The following BMX variants were observed in gnomAD, a reference collection of about 807,000 sequenced individuals.
BMX encodes the protein BMX non-receptor tyrosine kinase.
In BMX, 31 loss-of-function variants were observed where a neutral mutation model predicts 59.2. The ratio of observed to expected loss-of-function variants is 0.52; its 90% confidence interval spans 0.39 to 0.71. The LOEUF is 0.71. BMX is among the 30% of genes least tolerant of loss of function. The probability of loss-of-function intolerance (pLI) is 0.00; values close to 1 mark genes in which losing one functional copy is unlikely to be tolerated. For missense variants in BMX, 474 were observed against 491.7 expected (o/e 0.96, Z 0.34); for synonymous variants, 185 against 181.0 (o/e 1.02, Z -0.18).
chrX:15,525,458 C>T (rs747646433), intron 8 of BMX, 93 bp downstream of exon 8: 2 of 898,488 alleles, frequency 2.2e-6, no homozygotes, highest in South Asian at 4.5e-5. Flanking sequence ...GCTAGGCTTT[C>T]TACTTAAGGT....
At chrX:15,550,665 T>TACAC (rs58905214) in intron 18 of BMX, among the ~76,000 whole-genome samples, 925 of 86,759 alleles carry the variant, frequency 0.011, 7 homozygotes, top group Middle Eastern at 0.023. Context: ...TCAAAGTCTT[T>TACAC]ACACACACAC....
At chrX:15,520,032 C>A (rs1239012665) in intron 6 of BMX, among the ~76,000 whole-genome samples, 3 of 111,725 alleles carry the variant, frequency 2.7e-5, no homozygotes, top group Admixed American at 1.9e-4. Flanking sequence ...AACTTGGAAC[C>A]ACCAGAAGCT....
chrX:15,521,463 C>A (rs984617406), intron 6 of BMX, among the ~76,000 whole-genome samples: 5 of 112,164 alleles, frequency 4.5e-5, no homozygotes, highest in Admixed American at 2.8e-4. Flanking sequence ...AATTACTACA[C>A]AAATTTAGTG....
At chrX:15,540,304 C>A (rs1925596629) in intron 14 of BMX, among the ~76,000 whole-genome samples, 1 of 110,394 alleles carries the variant, frequency 9.1e-6, no homozygotes, top group African/African-American at 3.3e-5. Context: ...AGCTGGAAAC[C>A]ATCATTCTCA....
intron 12 of BMX, 111 bp downstream of exon 12, chrX:15,534,450 G>GC: frequency 1.4e-6 from 1 of 705,705 alleles, no homozygotes; most frequent in Non-Finnish European, 1.9e-6. Context: ...ATGAAAGTAG[G>GC]AAAAAATCCT....
chrX:15,545,435 T>C (rs751244771), intron 16 of BMX, among the ~76,000 whole-genome samples: 1 of 112,728 alleles, frequency 8.9e-6, no homozygotes, highest in East Asian at 2.8e-4. Flanking sequence ...GTGGGCTGTC[T>C]GCATGAGCAG....
At chrX:15,554,893 T>C (rs867644557) in intron 18 of BMX, among the ~76,000 whole-genome samples, 3 of 111,439 alleles carry the variant, frequency 2.7e-5, no homozygotes, top group Non-Finnish European at 3.8e-5. Context: ...CTTGAATCTA[T>C]TTGGAGACTT....
intron 4 of BMX, among the ~76,000 whole-genome samples, chrX:15,512,134 C>CA (rs1923984229): frequency 9.0e-6 from 1 of 111,543 alleles, no homozygotes; most frequent in Non-Finnish European, 1.9e-5. Flanking sequence ...AAATGCTAGG[C>CA]AAAACTGAAG....
intron 17 of BMX, among the ~76,000 whole-genome samples, chrX:15,548,286 G>A (rs899514944): frequency 1.8e-5 from 2 of 109,909 alleles, no homozygotes; most frequent in Non-Finnish European, 3.8e-5. Flanking sequence ...GCAAAAACTC[G>A]TCTCTACTAA....
At chrX:15,530,067 T>A (rs1420462775) in intron 10 of BMX, 40 bp downstream of exon 10, 1 of 1,144,969 alleles carries the variant, frequency 8.7e-7, no homozygotes, top group African/African-American at 1.8e-5. Flanking sequence ...ACAGAATCTC[T>A]TTGCATTTTG....
intron 3 of BMX, 111 bp from the exon 4 acceptor site, chrX:15,511,326 T>C (rs1223228936): frequency 5.5e-6 from 3 of 545,554 alleles, no homozygotes; most frequent in East Asian, 7.4e-5. Flanking sequence ...AGCTGATGTA[T>C]ACTGTATAAG....
chrX:15,525,824 C>A (rs760480891), intron 8 of BMX, among the ~76,000 whole-genome samples: 25 of 112,085 alleles, frequency 2.2e-4, no homozygotes, highest in Non-Finnish European at 3.9e-4. Context: ...ATCAAAGAAC[C>A]ATTCTTTCAT....
chrX:15,533,714 G>A lies in BMX; in HGVS notation c.1020-498G>A, dbSNP rs147660782. Among the ~76,000 whole-genome samples the A allele has an allele frequency of 3.8e-3, 429 of 111,501 alleles. 2 individuals carry two copies. Among genetic ancestry groups the A allele is most frequent in the African/African-American group, 0.013 (411 of 30,715 alleles). ...GTGGAGAAGGTACAAGTTCACATGA[G>A]GAATTAAAGGACATCCTCACCTACT... is the stretch of plus-strand genomic sequence containing the variant. On this transcript the variant is annotated intron_variant, in intron 11 of 18. Transcript: ENST00000348343.
At chrX:15,519,002 TTG>T (rs1430361767) in intron 6 of BMX, among the ~76,000 whole-genome samples, 1 of 112,001 alleles carries the variant, frequency 8.9e-6, no homozygotes, top group Non-Finnish European at 1.9e-5. Flanking sequence ...AAACAAAACC[TTG>T]ATTGCTCTGG....
intron 11 of BMX, 115 bp from the exon 12 acceptor site, chrX:15,534,097 C>A: frequency 1.5e-6 from 1 of 660,958 alleles, no homozygotes; most frequent in Non-Finnish European, 2.2e-6. Context: ...CCTGAGAAAA[C>A]CTCCCTGACT....
intron 7 of BMX, 24 bp downstream of exon 7, chrX:15,522,611 C>T: frequency 8.3e-7 from 1 of 1,208,487 alleles, no homozygotes; most frequent in Non-Finnish European, 1.1e-6. Flanking sequence ...TTCAGACGGG[C>T]TGCCCAGCAT....
chrX:15,539,667 CAT>C (rs894903597), intron 14 of BMX, among the ~76,000 whole-genome samples: 8 of 112,291 alleles, frequency 7.1e-5, no homozygotes, highest in Non-Finnish European at 1.1e-4. Flanking sequence ...TAAAACTTCA[CAT>C]GTTAAATTTA....
At chrX:15,501,922 G>A (rs1923584041) in intron 1 of BMX, among the ~76,000 whole-genome samples, 1 of 111,679 alleles carries the variant, frequency 9.0e-6, no homozygotes, top group African/African-American at 3.3e-5. Context: ...CTATACCCAG[G>A]AGCTGGGGAC....
chrX:15,508,542 A>C, intron 2 of BMX, 51 bp downstream of exon 2: 2 of 994,607 alleles, frequency 2.0e-6, no homozygotes, highest in Non-Finnish European at 1.4e-6. Context: ...ATTTTTCCTA[A>C]GTCTCCACAA....
Sources: gnomAD v4.1 joint callset for allele counts (sites outside exome capture counted in the v4.1 genomes callset) on GRCh38, gnomAD v4.1.1 for gene constraint, MANE v1.5 for transcripts, NCBI Gene and HGNC (gene_info 2026-07-23, HGNC 2026-07-21) for gene names.